Variants in ADK observed in about 807,000 individuals in gnomAD.
ADK encodes adenosine kinase.
A neutral mutation model predicts 44.7 loss-of-function variants in ADK; 24 were observed. That is an observed-to-expected ratio of 0.54 (90% confidence interval 0.39 to 0.76). ADK has a LOEUF of 0.76. ADK is among the 30% of genes least tolerant of loss of function. The probability of loss-of-function intolerance (pLI) is 0.00; values close to 1 mark genes in which losing one functional copy is unlikely to be tolerated. For missense variants in ADK, 321 were observed against 425.1 expected (o/e 0.76, Z 2.15); for synonymous variants, 128 against 142.6 (o/e 0.90, Z 0.73).
At chr10:74,613,404 A>C (rs1852629418) in intron 9 of ADK, among the ~76,000 whole-genome samples, 1 of 152,142 alleles carries the variant, frequency 6.6e-6, no homozygotes, top group African/African-American at 2.4e-5. Flanking sequence ...CTAGTTCTTC[A>C]ATAACTCAGG....
intron 4 of ADK, among the ~76,000 whole-genome samples, chr10:74,373,587 C>T (rs149556606): frequency 9.9e-4 from 150 of 152,214 alleles, no homozygotes; most frequent in African/African-American, 3.4e-3. Context: ...AATTAGCTAT[C>T]AGGTATATTA....
chr10:74,445,491 T>C (rs1304986671), intron 6 of ADK, among the ~76,000 whole-genome samples: 1 of 152,034 alleles, frequency 6.6e-6, no homozygotes, highest in East Asian at 1.9e-4. Flanking sequence ...CATTCCTTTA[T>C]ATATTCCTTT....
intron 10 of ADK, among the ~76,000 whole-genome samples, chr10:74,690,697 T>C (rs532614972): frequency 6.6e-6 from 1 of 152,348 alleles, no homozygotes; most frequent in East Asian, 1.9e-4. Flanking sequence ...TGTCACCTTC[T>C]CCAAGATGCA....
chr10:74,188,224 T>G (rs1349289643), intron 1 of ADK, among the ~76,000 whole-genome samples: 3 of 152,192 alleles, frequency 2.0e-5, no homozygotes, highest in African/African-American at 7.2e-5. Context: ...CCATTTGCAT[T>G]CTTGATGTTG....
intron 4 of ADK, among the ~76,000 whole-genome samples, chr10:74,350,066 A>G (rs1301107635): frequency 6.6e-6 from 1 of 152,216 alleles, no homozygotes; most frequent in Non-Finnish European, 1.5e-5. Context: ...GACCTAATAG[A>G]CATGGGGTTG....
chr10:74,376,982 T>G (rs1469141441), intron 4 of ADK, among the ~76,000 whole-genome samples: 1 of 152,180 alleles, frequency 6.6e-6, no homozygotes, highest in Non-Finnish European at 1.5e-5. Context: ...ATCATTTCCA[T>G]TTTATCTCAT....
At chr10:74,561,529 C>T (rs1564792701) in intron 7 of ADK, among the ~76,000 whole-genome samples, 1 of 152,146 alleles carries the variant, frequency 6.6e-6, no homozygotes, top group Non-Finnish European at 1.5e-5. Context: ...ATATAACCTA[C>T]ATTTATTTAA....
At chr10:74,244,742 C>T (rs574566992) in intron 3 of ADK, among the ~76,000 whole-genome samples, 1 of 152,084 alleles carries the variant, frequency 6.6e-6, no homozygotes, top group African/African-American at 2.4e-5. Context: ...AATTATTACC[C>T]AGAAACTTAG....
chr10:74,439,958 A>C (rs1466086818), intron 6 of ADK, among the ~76,000 whole-genome samples: 2 of 151,936 alleles, frequency 1.3e-5, no homozygotes, highest in Non-Finnish European at 2.9e-5. Context: ...ATAATGTAGA[A>C]ATAGTTTTCT....
At chr10:74,645,277 T>G (rs1369394455) in intron 9 of ADK, among the ~76,000 whole-genome samples, 1 of 152,222 alleles carries the variant, frequency 6.6e-6, no homozygotes, top group African/African-American at 2.4e-5. Flanking sequence ...GTTCAGTATA[T>G]TTTTGCAAGT....
At chr10:74,532,728 G>A (rs34820269) in intron 7 of ADK, among the ~76,000 whole-genome samples, 4,517 of 151,168 alleles carry the variant, frequency 0.03, 194 homozygotes, top group African/African-American at 0.092. Flanking sequence ...TGGCAAAACC[G>A]CGTCTCTACT....
chr10:74,217,364 G>A (rs572727764), intron 2 of ADK, among the ~76,000 whole-genome samples: 24 of 152,346 alleles, frequency 1.6e-4, no homozygotes, highest in East Asian at 9.6e-4. Context: ...CAAAGCAGCC[G>A]GGAAGCTCCA....
intron 10 of ADK, among the ~76,000 whole-genome samples, 170 bp downstream of exon 10, chr10:74,670,439 A>G (rs988722267): frequency 3.9e-5 from 6 of 152,212 alleles, no homozygotes; most frequent in African/African-American, 1.2e-4. Flanking sequence ...AGAGGGTTTT[A>G]CCAGAGGAAA....
chr10:74,217,062 G>A (rs187800973), intron 2 of ADK, among the ~76,000 whole-genome samples: 11 of 152,326 alleles, frequency 7.2e-5, no homozygotes, highest in East Asian at 3.9e-4. Context: ...GAAGCAGGGC[G>A]AGGCATTGCC....
chr10:74,426,611 G>T lies in ADK; in HGVS notation c.555+28032G>T, dbSNP rs189105137. Among the ~76,000 whole-genome samples the T allele has an allele frequency of 9.9e-5, 15 of 152,268 alleles. No homozygotes were observed. The East Asian group carries it at 2.7e-3, about 27-fold the overall frequency. ...AGTTACAAGAGGTAGAAGGGAGAGT[G>T]AGGTGGAAGGGATGTGGGAGGGAGT... On this transcript the variant is annotated intron_variant, in intron 6 of 10. Coordinates refer to ENST00000539909, the MANE Select transcript of ADK (RefSeq NM_006721.4).
intron 1 of ADK, among the ~76,000 whole-genome samples, chr10:74,167,497 A>G (rs1020390323): frequency 2.0e-5 from 3 of 152,160 alleles, no homozygotes; most frequent in Non-Finnish European, 4.4e-5. Context: ...TGGAGGGTCC[A>G]TCTTATCTTT....
intron 4 of ADK, 71 bp from the exon 5 acceptor site, chr10:74,394,070 C>A (rs1293390268): frequency 5.6e-6 from 8 of 1,440,428 alleles, no homozygotes; most frequent in African/African-American, 1.4e-5. Flanking sequence ...ACATCACTAT[C>A]TGTGGCAGAA....
intron 2 of ADK, among the ~76,000 whole-genome samples, chr10:74,202,657 G>A (rs2131955): frequency 0.53 from 80,249 of 151,990 alleles, 22,324 homozygotes; most frequent in Non-Finnish European, 0.62. Flanking sequence ...AGCCATATGA[G>A]TGGGTGTGAA....
At chr10:74,492,660 T>C (rs928983332) in intron 6 of ADK, among the ~76,000 whole-genome samples, 1 of 152,248 alleles carries the variant, frequency 6.6e-6, no homozygotes, top group African/African-American at 2.4e-5. Context: ...TTCATGACTT[T>C]GATATTTTTG....
Sources: allele counts gnomAD v4.1 joint callset (sites outside exome capture counted in the v4.1 genomes callset), GRCh38; gene constraint gnomAD v4.1.1; transcripts MANE v1.5; gene names NCBI Gene and HGNC (gene_info 2026-07-23, HGNC 2026-07-21).